Variants in SDK1 observed in about 807,000 individuals in gnomAD.
SDK1 encodes the protein sidekick cell adhesion molecule 1.
Under a neutral mutation model 245.5 loss-of-function variants are expected in SDK1, and 157 were observed. The ratio of observed to expected loss-of-function variants is 0.64; its 90% CI spans 0.56 to 0.73. The LOEUF (loss-of-function observed/expected upper bound fraction) is 0.73. Ranked by LOEUF, SDK1 falls within the 30% of genes least tolerant of loss-of-function variation. SDK1 has a pLI of 0.00. For missense variants in SDK1, 3,583 were observed against 3,002.3 expected, an observed-to-expected ratio of 1.19 and a Z score of -4.52; for synonymous variants, 1,647 against 1,278.5, an observed-to-expected ratio of 1.29 and a Z score of -6.15.
chr7:3,945,772 G>A (rs1780550143), intron 5 of SDK1, among the ~76,000 whole-genome samples: 1 of 151,452 alleles, frequency 6.6e-6, no homozygotes, highest in Admixed American at 6.6e-5. Flanking sequence ...GATGGCAGGA[G>A]CCCGTAATCC....
chr7:4,049,619 T>C (rs111975934), intron 18 of SDK1, among the ~76,000 whole-genome samples, 156 bp downstream of exon 18: 7 of 152,334 alleles, frequency 4.6e-5, no homozygotes, highest in African/African-American at 1.7e-4. Context: ...TCCAAAGTCT[T>C]GGCATCAGCT....
At chr7:4,100,374 C>T (rs916216429) in intron 22 of SDK1, among the ~76,000 whole-genome samples, 5 of 152,060 alleles carry the variant, frequency 3.3e-5, no homozygotes, top group African/African-American at 4.8e-5. Flanking sequence ...AAGGCTGTTT[C>T]GGGGGACACA....
chr7:4,203,221 G>A (rs939440776), intron 35 of SDK1, among the ~76,000 whole-genome samples: 2 of 152,202 alleles, frequency 1.3e-5, no homozygotes, highest in Admixed American at 6.5e-5. Flanking sequence ...TTTCAGAAAT[G>A]TCAGGAATTC....
At chr7:3,533,357 C>G (rs550035531) in intron 1 of SDK1, among the ~76,000 whole-genome samples, 1 of 152,282 alleles carries the variant, frequency 6.6e-6, no homozygotes, top group East Asian at 1.9e-4. Flanking sequence ...TGAGAGGACA[C>G]TGATTACTCA....
chr7:3,822,567 C>A (rs180747839), intron 5 of SDK1, among the ~76,000 whole-genome samples: 1 of 151,864 alleles, frequency 6.6e-6, no homozygotes, highest in Non-Finnish European at 1.5e-5. Flanking sequence ...GTCAAGAGTT[C>A]GAGACCAGCC....
chr7:3,316,188 G>T (rs549444051), intron 1 of SDK1, among the ~76,000 whole-genome samples: 12 of 152,258 alleles, frequency 7.9e-5, no homozygotes, highest in Non-Finnish European at 1.6e-4. Flanking sequence ...AAAACTTTCA[G>T]TACAGCCATG....
At chr7:3,389,576 G>T (rs1156708774) in intron 1 of SDK1, among the ~76,000 whole-genome samples, 1 of 152,104 alleles carries the variant, frequency 6.6e-6, no homozygotes, top group Non-Finnish European at 1.5e-5. Context: ...TAAGCCATAG[G>T]TCTATTGTAG....
At chr7:3,616,533 T>C (rs1425635298) in intron 1 of SDK1, among the ~76,000 whole-genome samples, 1 of 152,234 alleles carries the variant, frequency 6.6e-6, no homozygotes, top group African/African-American at 2.4e-5. Flanking sequence ...CCAACACTTT[T>C]GTTCTCAGCT....
chr7:4,041,663 C>G (rs1345905869), intron 17 of SDK1, among the ~76,000 whole-genome samples: 2 of 91,832 alleles, frequency 2.2e-5, no homozygotes, highest in East Asian at 2.2e-4. Context: ...ATAGTTTGAC[C>G]TTTTCCAAAA....
At chr7:3,821,831 A>G (rs533807285) in intron 5 of SDK1, among the ~76,000 whole-genome samples, 2 of 152,352 alleles carry the variant, frequency 1.3e-5, no homozygotes, top group East Asian at 3.9e-4. Context: ...AATTAAAAAA[A>G]AAAGTATTTG....
intron 1 of SDK1, among the ~76,000 whole-genome samples, chr7:3,485,399 G>A (rs1363359093): frequency 6.6e-6 from 1 of 152,076 alleles, no homozygotes. Context: ...GGGTTCCACC[G>A]TGGCAGGGCT....
chr7:4,071,687 C>A (rs900765377), intron 20 of SDK1, among the ~76,000 whole-genome samples: 1 of 152,186 alleles, frequency 6.6e-6, no homozygotes, highest in Non-Finnish European at 1.5e-5. Context: ...CAGGAGGCTA[C>A]CATTCGGAAG....
At chr7:4,141,727 GCTTTCT>G (rs995396578) in intron 28 of SDK1, among the ~76,000 whole-genome samples, 1 of 152,150 alleles carries the variant, frequency 6.6e-6, no homozygotes, top group Non-Finnish European at 1.5e-5. Flanking sequence ...TCCACACAGG[GCTTTCT>G]CTTTCTCTTT....
intron 4 of SDK1, among the ~76,000 whole-genome samples, chr7:3,701,523 C>G (rs1403617575): frequency 6.6e-6 from 1 of 152,092 alleles, no homozygotes; most frequent in African/African-American, 2.4e-5. Context: ...TTGCTTGATT[C>G]CAGGATTTGG....
chr7:4,157,778 C>T (rs1443002031), intron 30 of SDK1, among the ~76,000 whole-genome samples: 1 of 152,116 alleles, frequency 6.6e-6, no homozygotes, highest in South Asian at 2.1e-4. Flanking sequence ...TCCCAGAGCT[C>T]GTGTGAGTTC....
At chr7:4,091,334 C>CTTTTCTTTTTTTTTTTTTTTTT (rs1259034611) in intron 22 of SDK1, among the ~76,000 whole-genome samples, 1 of 108,260 alleles carries the variant, frequency 9.2e-6, no homozygotes, top group Non-Finnish European at 1.8e-5. Flanking sequence ...CTTTTCTTTT[C>CTTTTCTTTTTTTTTTTTTTTTT]TTTTTTTTTT....
At chr7:3,944,023 C>A (rs752555622) in intron 5 of SDK1, among the ~76,000 whole-genome samples, 1 of 152,192 alleles carries the variant, frequency 6.6e-6, no homozygotes, top group Non-Finnish European at 1.5e-5. Flanking sequence ...GCCTGGGAAA[C>A]GTTCAGTTGA....
chr7:3,321,827 T>TCCTTCCTTCCTTCCTTCCTC (rs1583680966), intron 1 of SDK1, among the ~76,000 whole-genome samples: 3 of 126,234 alleles, frequency 2.4e-5, no homozygotes, highest in Non-Finnish European at 5.0e-5. Context: ...CTTCCTTCCT[T>TCCTTCCTTCCTTCCTTCCTC]CCTCCTTTTC....
At chr7:3,697,382 A>G (rs567376127) in intron 4 of SDK1, among the ~76,000 whole-genome samples, 3 of 152,326 alleles carry the variant, frequency 2.0e-5, no homozygotes, top group African/African-American at 4.8e-5. Flanking sequence ...CTTCTCAGCA[A>G]TTAGGTCTCA....
Sources: gnomAD v4.1 joint callset for allele counts (sites outside exome capture counted in the v4.1 genomes callset) on GRCh38, gnomAD v4.1.1 for gene constraint, MANE v1.5 for transcripts, NCBI Gene and HGNC (gene_info 2026-07-23, HGNC 2026-07-21) for gene names.